KIRREL3: variants seen among roughly 807,000 people sequenced by gnomAD.
KIRREL3 encodes kin of IRRE-like protein 3.
In KIRREL3, 36 loss-of-function variants were observed where a neutral mutation model predicts 89.7. The ratio of observed to expected loss-of-function variants is 0.40; its 90% confidence interval spans 0.31 to 0.53. The LOEUF (loss-of-function observed/expected upper bound fraction) is 0.53. Ranked by LOEUF, KIRREL3 falls within the 20% of genes least tolerant of loss-of-function variation. KIRREL3 has a pLI of 0.49. For synonymous variants in KIRREL3, 445 were observed against 441.4 expected (o/e 1.01, Z -0.10); for missense variants, 864 against 1,056.6 (o/e 0.82, Z 2.53).
chr11:126,781,534 T>C (rs920544235), intron 1 of KIRREL3, among the ~76,000 whole-genome samples: 3 of 152,248 alleles, frequency 2.0e-5, no homozygotes, highest in Admixed American at 6.5e-5. Flanking sequence ...AAGCATTTTA[T>C]CTGTGTCATT....
rs138214870 is a variant in KIRREL3, at chr11:126,845,431, G to A, written c.55+155024C>T. On this transcript the variant is annotated intron_variant, in intron 1 of 16. Transcript: ENST00000525144. ...TTTTTATTAATGAGAAAAAGAATTC[G>A]TGAGGCTAATCTTAAGCTGCAGGGA... 1.6e-3 allele frequency among the ~76,000 whole-genome samples: 244 copies of A among 152,176 alleles called. 1 individual carries two copies. The highest frequency in any genetic ancestry group is 5.4e-3 in the African/African-American group (226 of 41,510).
At chr11:126,510,500 C>A (rs888344799) in intron 4 of KIRREL3, among the ~76,000 whole-genome samples, 11 of 131,204 alleles carry the variant, frequency 8.4e-5, no homozygotes, top group Non-Finnish European at 3.1e-5. Context: ...TCACTGTTGA[C>A]CAGACACTGC....
rs186530618 is a variant in KIRREL3 at position 126,978,502 on chromosome 11, C to T, written c.55+21953G>A. On this transcript the variant is annotated intron_variant, in intron 1 of 16. Coordinates refer to ENST00000525144, the MANE Select transcript of KIRREL3 (RefSeq NM_032531.4). The surrounding 1 kb of genome is among the most constrained non-coding windows in gnomAD (Gnocchi z 4.2). Reference sequence around the variant, plus strand: ...ATCATCCAATATATTCTTGTGTTTACGTGCCCTGGCCAGAAAGCTTTTTGG... The same window carrying T: ...ATCATCCAATATATTCTTGTGTTTATGTGCCCTGGCCAGAAAGCTTTTTGG... Among the ~76,000 whole-genome samples, 6 of 152,292 alleles carry T rather than the reference C, an allele frequency of 3.9e-5. No individual in the cohort carries two copies. The highest frequency in any genetic ancestry group is 6.5e-5 in the Admixed American group (1 of 15,300).
At position 126,618,699 on chromosome 11, in the gene KIRREL3, C is replaced by T. The variant is rs145658288; in HGVS notation, c.56-55787G>A. Reference sequence around the variant, plus strand: ...ATCCACCTGCCTTGGCCTCCCAAAGCGCTGGGATTACAAGCATGAGCCACC... The same window carrying T: ...ATCCACCTGCCTTGGCCTCCCAAAGTGCTGGGATTACAAGCATGAGCCACC... On this transcript the variant is annotated intron_variant, in intron 1 of 16. Coordinates refer to ENST00000525144, the MANE Select transcript of KIRREL3 (RefSeq NM_032531.4). 9.3e-4 allele frequency among the ~76,000 whole-genome samples: 141 copies of T among 152,290 alleles called. 1 individual carries two copies. The highest frequency in any genetic ancestry group is 2.9e-3 in the African/African-American group (121 of 41,570).
intron 1 of KIRREL3, among the ~76,000 whole-genome samples, chr11:126,785,638 G>A (rs1950464326): frequency 6.6e-6 from 1 of 152,122 alleles, no homozygotes; most frequent in Admixed American, 6.5e-5. Flanking sequence ...AGCACTTCGG[G>A]AGGCTGAGGT....
At chr11:126,671,275 C>A (rs1945934876) in intron 1 of KIRREL3, among the ~76,000 whole-genome samples, 1 of 150,704 alleles carries the variant, frequency 6.6e-6, no homozygotes. Context: ...GCTGCACTGC[C>A]CACACCACTC....
intron 1 of KIRREL3, among the ~76,000 whole-genome samples, chr11:126,580,808 A>G (rs1941503630): frequency 6.9e-6 from 1 of 145,656 alleles, no homozygotes; most frequent in Admixed American, 6.9e-5. Flanking sequence ...CCATCCCCAC[A>G]TGGCCCTACC....
intron 1 of KIRREL3, among the ~76,000 whole-genome samples, chr11:126,600,243 G>T (rs1942593856): frequency 6.6e-6 from 1 of 152,182 alleles, no homozygotes; most frequent in Non-Finnish European, 1.5e-5. Context: ...TGACAAGCAT[G>T]TGAGTGAGCT....
In KIRREL3 at chr11:126,994,731, A is replaced by AG. The variant is rs974503380; in HGVS notation, c.55+5723dup. ...GAGTGAATGAAAGTTAACGTGCAGTAGGGGGAGGTTCAATGGGGGAGAAGA... is the reference window on the plus strand; with the variant it reads ...GAGTGAATGAAAGTTAACGTGCAGTAGGGGGGAGGTTCAATGGGGGAGAAGA... On this transcript the variant is annotated intron_variant, in intron 1 of 16. Transcript: ENST00000525144. The surrounding 1 kb of genome is among the most constrained non-coding windows in gnomAD (Gnocchi z 5.2). Among the ~76,000 whole-genome samples the AG allele has an allele frequency of 4.6e-5, 7 of 152,176 alleles. No individual in the cohort carries two copies. The highest frequency in any genetic ancestry group is 5.9e-5 in the Non-Finnish European group (4 of 68,028).
intron 1 of KIRREL3, among the ~76,000 whole-genome samples, chr11:126,831,435 T>TTCTCTATC (rs1555051378): frequency 6.7e-6 from 1 of 149,914 alleles, no homozygotes; most frequent in Admixed American, 6.6e-5. Flanking sequence ...CTCTCTCTCT[T>TTCTCTATC]TCTCTCTCTC....
intron 1 of KIRREL3, among the ~76,000 whole-genome samples, chr11:126,660,009 T>C (rs1591900649): frequency 6.6e-6 from 1 of 152,162 alleles, no homozygotes; most frequent in African/African-American, 2.4e-5. Flanking sequence ...AAAAGCATGA[T>C]AAAAATTTGG....
chr11:126,423,596 G>A lies in KIRREL3; in HGVS notation c.*984C>T, dbSNP rs539321571. ...GTGGAGCCTTACTGAAGACAGGATCGCCGTTCTTGTGTTTATCAGCTGAGA... is the reference window on the plus strand; with the variant it reads ...GTGGAGCCTTACTGAAGACAGGATCACCGTTCTTGTGTTTATCAGCTGAGA... On this transcript the variant is annotated 3_prime_UTR_variant, in exon 17 of 17. Coordinates refer to ENST00000525144, the MANE Select transcript of KIRREL3 (RefSeq NM_032531.4). The A allele has an allele frequency of 6.6e-5, 10 of 152,226 alleles. No homozygotes were observed. In the South Asian group the frequency reaches 1.2e-3, roughly 19 times the overall value. 9.4% of individuals were successfully genotyped at this position (152,226 alleles called of 1,614,324 possible).
At chr11:126,446,268 C>CTTTTCTTTCTCTCTCTCTTTCTT (rs1233939309) in intron 9 of KIRREL3, among the ~76,000 whole-genome samples, 1 of 93,420 alleles carries the variant, frequency 1.1e-5, no homozygotes, top group Non-Finnish European at 2.2e-5. Context: ...TTCTTTCTCT[C>CTTTTCTTTCTCTCTCTCTTTCTT]TCTTTCTTTT....
rs1944748756 is a variant in KIRREL3, at chr11:126,647,773, C to T, written c.56-84861G>A. Among the ~76,000 whole-genome samples the T allele has an allele frequency of 6.6e-6, 1 of 152,184 alleles. No homozygotes were observed. The highest frequency in any genetic ancestry group is 6.5e-5 in the Admixed American group (1 of 15,288). ...TTTCAACAGGGCAGTCTGAGTAGTG[C>T]TTTTAAAAACCTAAGTCAGAGGGAG... On this transcript the variant is annotated intron_variant, in intron 1 of 16. Coordinates refer to ENST00000525144, the MANE Select transcript of KIRREL3 (RefSeq NM_032531.4). The surrounding 1 kb of genome is among the most constrained non-coding windows in gnomAD (Gnocchi z 4.9).
rs368265000 is a variant in KIRREL3 at position 126,931,856 on chromosome 11, C to T, written c.55+68599G>A. Among the ~76,000 whole-genome samples the T allele has an allele frequency of 1.3e-5, 2 of 152,136 alleles. No individual in the cohort carries two copies. Among genetic ancestry groups the T allele is most frequent in the African/African-American group, 4.8e-5 (2 of 41,430 alleles). On this transcript the variant is annotated intron_variant, in intron 1 of 16. Transcript: ENST00000525144. The surrounding 1 kb of genome is among the most constrained non-coding windows in gnomAD (Gnocchi z 5.1). Reference sequence around the variant, plus strand: ...CCAGGGAGCCCCAGGACACGTGTTGCCTTCTCACCCCAATAGGAGTAGATG... The same window carrying T: ...CCAGGGAGCCCCAGGACACGTGTTGTCTTCTCACCCCAATAGGAGTAGATG...
rs1238142212 is a variant in KIRREL3 at position 126,943,101 on chromosome 11, G to A, written c.55+57354C>T. The stretch of plus-strand genomic sequence containing the variant: ...GACAAGCCTCTGCTTCAGTGCTCTT[G>A]ATTGCACAGATTTCTGATAAATGTT... On this transcript the variant is annotated intron_variant, in intron 1 of 16. Transcript: ENST00000525144. This position sits in a 1 kb window ranked among gnomAD's most constrained non-coding sequence, Gnocchi z 4.2. Among the ~76,000 whole-genome samples the A allele has an allele frequency of 6.6e-6, 1 of 152,222 alleles. No individual in the cohort carries two copies. Among genetic ancestry groups the A allele is most frequent in the Non-Finnish European group, 1.5e-5 (1 of 68,044 alleles).
intron 1 of KIRREL3, among the ~76,000 whole-genome samples, chr11:126,789,535 A>G (rs1950575354): frequency 6.6e-6 from 1 of 151,344 alleles, no homozygotes; most frequent in Non-Finnish European, 1.5e-5. Context: ...TCTCTCATTC[A>G]CTCTTGAGCC....
In KIRREL3 at chr11:126,501,093, C is replaced by A. The variant is rs1957845610; in HGVS notation, c.433+20222G>T. The stretch of plus-strand genomic sequence containing the variant: ...CAGCCTCCTCCTCTGGGTTTCATTT[C>A]CTTGCTGTGAGCCTTGTGCGAGGCA... On this transcript the variant is annotated intron_variant, in intron 4 of 16. Coordinates refer to ENST00000525144, the MANE Select transcript of KIRREL3 (RefSeq NM_032531.4). The surrounding 1 kb of genome is among the most constrained non-coding windows in gnomAD (Gnocchi z 5.8). Among the ~76,000 whole-genome samples, 1 of 152,206 alleles carries A rather than the reference C, an allele frequency of 6.6e-6. No individual in the cohort carries two copies. Among genetic ancestry groups the A allele is most frequent in the Non-Finnish European group, 1.5e-5 (1 of 68,040 alleles).
At chr11:126,857,837 GAGGACTGCAGGTGGC>G (rs1209054391) in intron 1 of KIRREL3, among the ~76,000 whole-genome samples, 1 of 151,284 alleles carries the variant, frequency 6.6e-6, no homozygotes, top group African/African-American at 2.4e-5. Flanking sequence ...TGAATGGAAG[GAGGACTGCAGGTGGC>G]TGTGTGCAGT....
Sources: allele counts gnomAD v4.1 joint callset (sites outside exome capture counted in the v4.1 genomes callset), GRCh38; gene constraint gnomAD v4.1.1; non-coding constraint Gnocchi (gnomAD v3.1); transcripts MANE v1.5; gene names NCBI Gene and HGNC (gene_info 2026-07-23, HGNC 2026-07-21).